The following TRAPPC9 variants were observed in gnomAD, a reference collection of about 807,000 sequenced individuals.
TRAPPC9 encodes IKK2 binding protein.
A neutral mutation model predicts 124.0 loss-of-function variants in TRAPPC9; 83 were observed. The observed-to-expected ratio is 0.67, with a 90% confidence interval of 0.56 to 0.80. The LOEUF is 0.80. Among genes scored for constraint, TRAPPC9 ranks in the 30% least tolerant of loss-of-function variants. The probability of loss-of-function intolerance (pLI) is 0.00; values close to 1 mark genes in which losing one functional copy is unlikely to be tolerated. For missense variants in TRAPPC9, 1,302 were observed against 1,508.3 expected (o/e 0.86, Z 2.27); for synonymous variants, 638 against 617.5 (o/e 1.03, Z -0.49).
intron 19 of TRAPPC9, among the ~76,000 whole-genome samples, chr8:139,966,269 T>G (rs1313059532): frequency 6.6e-6 from 1 of 152,172 alleles, no homozygotes; most frequent in Non-Finnish European, 1.5e-5. Context: ...AGCCCCACTT[T>G]GCTGGGTTCC....
chr8:139,901,927 G>A (rs1368766725), intron 20 of TRAPPC9, among the ~76,000 whole-genome samples: 1 of 152,170 alleles, frequency 6.6e-6, no homozygotes, highest in East Asian at 1.9e-4. Context: ...GAATAAATCT[G>A]TATAAATTGC....
intron 17 of TRAPPC9, among the ~76,000 whole-genome samples, chr8:140,089,794 A>G (rs1363883313): frequency 6.6e-6 from 1 of 152,156 alleles, no homozygotes; most frequent in Non-Finnish European, 1.5e-5. Flanking sequence ...ACATAAGGGC[A>G]GGCAGCTAGG....
At chr8:139,925,878 A>C (rs1832790161) in intron 19 of TRAPPC9, among the ~76,000 whole-genome samples, 1 of 151,968 alleles carries the variant, frequency 6.6e-6, no homozygotes, top group Non-Finnish European at 1.5e-5. Flanking sequence ...TATGTACAGG[A>C]TAGACCTCAG....
intron 5 of TRAPPC9, 45 bp from the exon 6 acceptor site, chr8:140,405,743 G>T: frequency 6.2e-7 from 1 of 1,611,414 alleles, no homozygotes; most frequent in Non-Finnish European, 8.5e-7. Flanking sequence ...TGCTTTTTCT[G>T]TATTATTTCT....
At chr8:139,741,084 T>A (rs1156681502) in intron 21 of TRAPPC9, among the ~76,000 whole-genome samples, 2 of 152,144 alleles carry the variant, frequency 1.3e-5, no homozygotes, top group African/African-American at 2.4e-5. Context: ...CTGCCCTACC[T>A]GCACCCACGG....
At chr8:139,884,693 G>C (rs1363470357) in intron 21 of TRAPPC9, among the ~76,000 whole-genome samples, 1 of 152,218 alleles carries the variant, frequency 6.6e-6, no homozygotes, top group East Asian at 1.9e-4. Context: ...ACCTAGAAAA[G>C]TGGCTGGGCT....
rs549315741 is a variant in TRAPPC9, at chr8:140,051,646, G to A, written c.2557-27567C>T. ...ATAGCAAATACAAAGCACATTCTTA[G>A]GAAATGGAAAAATTTGTTCTCTAGA... is the stretch of plus-strand genomic sequence containing the variant. On this transcript the variant is annotated intron_variant, in intron 17 of 22. Transcript: ENST00000438773. Among the ~76,000 whole-genome samples, 16 of 139,908 alleles carry A rather than the reference G, an allele frequency of 1.1e-4. No homozygotes were observed. The East Asian group carries it at 3.1e-3, about 27-fold the overall frequency. 91.8% of individuals were successfully genotyped at this position (139,908 alleles called of 152,430 possible). A position where few individuals can be genotyped will look rare whatever the true frequency, so the allele number is the denominator to read the frequency against.
Position 140,269,548 on chromosome 8 carries a change from AAAATAAAAT to A in TRAPPC9, c.2278+6101_2278+6109del, listed in dbSNP as rs1304306647. ...AGAGCAAGACTCTGTCTCAAAAAAT[AAAATAAAAT>A]AAATAAATAAATAAATAAATAAATA... On this transcript the variant is annotated intron_variant, in intron 15 of 22. Transcript: ENST00000438773. 2.0e-3 allele frequency among the ~76,000 whole-genome samples: 261 copies of A among 133,636 alleles called. 1 individual carries two copies. The highest frequency in any genetic ancestry group is 5.7e-3 in the African/African-American group (200 of 35,378). 87.7% of individuals were successfully genotyped at this position (133,636 alleles called of 152,430 possible).
chr8:140,357,460 A>G (rs2067787157), intron 9 of TRAPPC9, among the ~76,000 whole-genome samples: 1 of 152,100 alleles, frequency 6.6e-6, no homozygotes, highest in Non-Finnish European at 1.5e-5. Context: ...GAGAGAACAG[A>G]GTCCTGGCTA....
At chr8:139,765,671 A>G (rs2130394090) in intron 21 of TRAPPC9, among the ~76,000 whole-genome samples, 1 of 152,304 alleles carries the variant, frequency 6.6e-6, no homozygotes, top group African/African-American at 2.4e-5. Flanking sequence ...GGATTCCCAG[A>G]AGGCTGCCAG....
intron 18 of TRAPPC9, among the ~76,000 whole-genome samples, chr8:139,996,647 A>C (rs1838017756): frequency 6.6e-6 from 1 of 152,240 alleles, no homozygotes; most frequent in African/African-American, 2.4e-5. Context: ...TTAAATAAAT[A>C]ATGGCCACAC....
At chr8:140,338,725 G>T (rs527587432) in intron 9 of TRAPPC9, among the ~76,000 whole-genome samples, 27 of 150,296 alleles carry the variant, frequency 1.8e-4, no homozygotes, top group African/African-American at 6.1e-4. Context: ...GACGGGAAAC[G>T]GCTCAGAGAA....
intron 17 of TRAPPC9, among the ~76,000 whole-genome samples, chr8:140,061,555 C>T (rs1019651304): frequency 1.2e-4 from 18 of 152,130 alleles, no homozygotes; most frequent in Admixed American, 2.0e-4. Flanking sequence ...GAGCCTTGAA[C>T]AAAGGAGAGG....
chr8:139,848,169 G>C (rs886591747), intron 21 of TRAPPC9, among the ~76,000 whole-genome samples: 1 of 152,242 alleles, frequency 6.6e-6, no homozygotes, highest in Non-Finnish European at 1.5e-5. Flanking sequence ...AGACAGGACT[G>C]CATGACTGAA....
rs1431963655 is a variant in TRAPPC9, at chr8:140,423,683, T to TACAC, written c.886+2931_886+2932insGTGT. Among the ~76,000 whole-genome samples the TACAC allele has an allele frequency of 2.0e-4, 31 of 151,492 alleles. 1 individual carries two copies. Among genetic ancestry groups the TACAC allele is most frequent in the Admixed American group, 8.6e-4 (13 of 15,182 alleles). On this transcript the variant is annotated intron_variant, in intron 5 of 22. Transcript: ENST00000438773. Reference sequence around the variant, plus strand: ...ACACATATATACACATATACACATATATACACATATACACATGTATACACA... The same window carrying TACAC: ...ACACATATATACACATATACACATATACACATACACATATACACATGTATACACA...
chr8:140,408,188 A>G (rs2069563898), intron 5 of TRAPPC9, among the ~76,000 whole-genome samples: 1 of 152,178 alleles, frequency 6.6e-6, no homozygotes, highest in African/African-American at 2.4e-5. Context: ...CAAGACCCAT[A>G]GCCTGTAGAT....
Position 140,049,289 on chromosome 8 carries a change from A to G in TRAPPC9, c.2557-25210T>C, listed in dbSNP as rs575250935. Among the ~76,000 whole-genome samples the G allele has an allele frequency of 3.8e-3, 586 of 152,312 alleles. 3 individuals are homozygous for G. The highest frequency in any genetic ancestry group is 0.014 in the African/African-American group (571 of 41,572). On this transcript the variant is annotated intron_variant, in intron 17 of 22. Transcript: ENST00000438773. ...CATGAGGCTCCTAAAACTTTTGGCA[A>G]GGAGAGTCATGCCATCTGACTTAAA...
intron 19 of TRAPPC9, among the ~76,000 whole-genome samples, chr8:139,945,196 T>A: frequency 6.6e-6 from 1 of 152,330 alleles, no homozygotes; most frequent in East Asian, 1.9e-4. Context: ...ATACGTTGTT[T>A]ATAAGTAAAG....
At chr8:140,012,063 G>A (rs946795123) in intron 18 of TRAPPC9, among the ~76,000 whole-genome samples, 5 of 152,154 alleles carry the variant, frequency 3.3e-5, no homozygotes, top group African/African-American at 9.7e-5. Flanking sequence ...GCCCGCCTTG[G>A]CCTCCCAAAG....
Sources: allele counts gnomAD v4.1 joint callset (sites outside exome capture counted in the v4.1 genomes callset), GRCh38; gene constraint gnomAD v4.1.1; transcripts MANE v1.5; gene names NCBI Gene and HGNC (gene_info 2026-07-23, HGNC 2026-07-21).